NEBL: variants seen among roughly 807,000 people sequenced by gnomAD.
The protein encoded by NEBL is nebulette, also known as LIM and SH3 protein 2.
In NEBL, 122 loss-of-function variants were observed where a neutral mutation model predicts 140.2. The ratio of observed to expected loss-of-function variants is 0.87; its 90% CI spans 0.75 to 1.01. The LOEUF (loss-of-function observed/expected upper bound fraction) is 1.01. NEBL is among the 50% of genes least tolerant of loss of function. NEBL has a pLI of 0.00. For synonymous variants in NEBL, 436 were observed against 398.9 expected (o/e 1.09, Z -1.11); for missense variants, 1,365 against 1,231.3 (o/e 1.11, Z -1.62).
chr10:21,094,298 C>G (rs565958638), intron 2 of NEBL, among the ~76,000 whole-genome samples: 1 of 152,078 alleles, frequency 6.6e-6, no homozygotes, highest in African/African-American at 2.4e-5. Context: ...GTCAGGAGAT[C>G]GAGACCATCC....
At chr10:20,825,142 A>G (rs1231424636) in intron 18 of NEBL, among the ~76,000 whole-genome samples, 1 of 152,132 alleles carries the variant, frequency 6.6e-6, no homozygotes, top group South Asian at 2.1e-4. Context: ...AGTATACTTT[A>G]CTATTGCATT....
chr10:21,022,528 A>G (rs1024956197), intron 2 of NEBL, among the ~76,000 whole-genome samples: 5 of 152,204 alleles, frequency 3.3e-5, no homozygotes, highest in African/African-American at 1.2e-4. Flanking sequence ...TGTCCCATAT[A>G]AGCCAATGTT....
At chr10:21,165,018 A>C (rs531143884) in intron 2 of NEBL, among the ~76,000 whole-genome samples, 2 of 151,892 alleles carry the variant, frequency 1.3e-5, no homozygotes, top group African/African-American at 4.8e-5. Context: ...TAACAATGTG[A>C]CCTTTTCTCT....
At chr10:20,791,038 A>C (rs946067370) in intron 26 of NEBL, among the ~76,000 whole-genome samples, 5 of 152,244 alleles carry the variant, frequency 3.3e-5, no homozygotes, top group African/African-American at 9.6e-5. Context: ...AAAGAGTTTG[A>C]GTTTGACAGG....
At chr10:20,911,305 C>T (rs934030030) in intron 4 of NEBL, among the ~76,000 whole-genome samples, 1 of 152,148 alleles carries the variant, frequency 6.6e-6, no homozygotes, top group African/African-American at 2.4e-5. Context: ...TCAAAGTTAG[C>T]ATGAACAAAC....
At chr10:21,222,625 G>A (rs547640785) in intron 3 of NEBL, among the ~76,000 whole-genome samples, 1 of 152,270 alleles carries the variant, frequency 6.6e-6, no homozygotes, top group Admixed American at 6.5e-5. Flanking sequence ...CATAGTAGGT[G>A]TATATATGTA....
At chr10:20,886,378 A>T (rs1363504801) in intron 4 of NEBL, among the ~76,000 whole-genome samples, 1 of 151,860 alleles carries the variant, frequency 6.6e-6, no homozygotes, top group Non-Finnish European at 1.5e-5. Context: ...AAAATACAAA[A>T]ATTAGCTGGG....
chr10:20,850,991 G>A (rs189250286), intron 10 of NEBL, among the ~76,000 whole-genome samples: 87 of 152,270 alleles, frequency 5.7e-4, no homozygotes, highest in Non-Finnish European at 1.1e-3. Flanking sequence ...CATAGACACT[G>A]AGTAAAACAC....
At position 20,903,235 on chromosome 10, in the gene NEBL, G is replaced by T. The variant is rs573445008; in HGVS notation, c.357+58437C>A. Among the ~76,000 whole-genome samples, 9 of 152,142 alleles carry T rather than the reference G, an allele frequency of 5.9e-5. No individual in the cohort carries two copies. In the South Asian group the frequency reaches 1.7e-3, roughly 28 times the overall value. ...CATGAAAAGACATTTCTCAAAAGAA[G>T]ATATACAAATGGCTCACATATGAAA... is the stretch of plus-strand genomic sequence containing the variant. On this transcript the variant is annotated intron_variant, in intron 4 of 6. Transcript: ENST00000417816.
At chr10:20,844,966 A>C (rs562465085) in intron 12 of NEBL, among the ~76,000 whole-genome samples, 1 of 152,098 alleles carries the variant, frequency 6.6e-6, no homozygotes, top group Non-Finnish European at 1.5e-5. Flanking sequence ...ATAAAGCTAT[A>C]AAACTATTTA....
rs12242272 is a variant in NEBL, at chr10:20,853,151, G to A, written c.904-502C>T. On this transcript the variant is annotated intron_variant, in intron 9 of 27. Coordinates refer to ENST00000377122, the MANE Select transcript of NEBL (RefSeq NM_006393.3). ...CACAAAGAAGATTGAGAGGCACAAG[G>A]AAAATGTAAGAGAAATAAGCAACTA... is the stretch of plus-strand genomic sequence containing the variant. 9.0e-3 allele frequency among the ~76,000 whole-genome samples: 1,373 copies of A among 152,222 alleles called. 18 individuals are homozygous for A. Among genetic ancestry groups the A allele is most frequent in the African/African-American group, 0.031 (1,284 of 41,536 alleles).
chr10:20,967,156 C>T (rs1384957930), intron 3 of NEBL, among the ~76,000 whole-genome samples: 6 of 151,328 alleles, frequency 4.0e-5, no homozygotes, highest in Admixed American at 6.6e-5. Flanking sequence ...CCAACATGTT[C>T]TTAATAACGT....
At chr10:20,980,426 A>G (rs577282060) in intron 3 of NEBL, among the ~76,000 whole-genome samples, 2 of 152,342 alleles carry the variant, frequency 1.3e-5, no homozygotes, top group African/African-American at 4.8e-5. Context: ...AGAAAGAAGA[A>G]GAGACACTGA....
In NEBL at chr10:20,868,690, C is replaced by G; in HGVS notation, c.658G>C (p.Val220Leu). 6.2e-7 allele frequency: 1 copy of G among 1,611,506 alleles called. No homozygotes were observed. The highest frequency in any genetic ancestry group is 8.5e-7 in the Non-Finnish European group (1 of 1,177,790). The change falls in exon 7 of 28, where the codon GTG (valine) becomes CTG (leucine). Residue 220 changes from valine (V) to leucine (L), a missense_variant. Around this residue, in one of 2 missense-constraint regions of NEBL, gnomAD observed 1,323 missense variants for 1,154.8 expected, o/e 1.15. Transcript: ENST00000377122. ...VIGRPDFEHA[V>L]EASKLSSQIK... ...TGACTAGAAAGTTTAGAAGCTTCCACGGCATGTTCAAAATCTGGTCTTCCA... is the reference window on the plus strand; with the variant it reads ...TGACTAGAAAGTTTAGAAGCTTCCAGGGCATGTTCAAAATCTGGTCTTCCA...
intron 4 of NEBL, among the ~76,000 whole-genome samples, chr10:20,928,958 C>G (rs1834041592): frequency 6.6e-6 from 1 of 152,118 alleles, no homozygotes; most frequent in African/African-American, 2.4e-5. Flanking sequence ...TTCACTATTT[C>G]CAATTCATCG....
At chr10:21,198,208 C>T (rs959786060) in intron 3 of NEBL, among the ~76,000 whole-genome samples, 1 of 152,174 alleles carries the variant, frequency 6.6e-6, no homozygotes, top group Admixed American at 6.5e-5. Context: ...ATTCCTAAAT[C>T]CTTCAGCCTG....
intron 1 of NEBL, among the ~76,000 whole-genome samples, chr10:21,265,510 G>A (rs1039925042): frequency 6.6e-6 from 1 of 152,156 alleles, no homozygotes; most frequent in Non-Finnish European, 1.5e-5. Flanking sequence ...TGATTGCTGT[G>A]TGACTGTATT....
intron 10 of NEBL, among the ~76,000 whole-genome samples, chr10:20,850,724 A>G (rs1324485435): frequency 6.6e-6 from 1 of 152,202 alleles, no homozygotes; most frequent in Non-Finnish European, 1.5e-5. Flanking sequence ...AGAACAACTA[A>G]CTAATGTAGT....
intron 3 of NEBL, among the ~76,000 whole-genome samples, chr10:20,981,217 C>CA (rs1255776148): frequency 4.0e-5 from 6 of 151,596 alleles, no homozygotes; most frequent in African/African-American, 1.5e-4. Flanking sequence ...ACATAAAGTT[C>CA]AAAATATAGA....
Sources: gnomAD v4.1 joint callset for allele counts (sites outside exome capture counted in the v4.1 genomes callset) on GRCh38, gnomAD v4.1.1 for gene constraint, gnomAD v4.1.1 regional missense constraint, MANE v1.5 for transcripts, NCBI Gene and HGNC (gene_info 2026-07-23, HGNC 2026-07-21) for gene names.